ABTB3: variants seen among roughly 807,000 people sequenced by gnomAD.
ABTB3 encodes ankyrin repeat- and BTB/POZ domain-containing protein 3.
At chr12:107,493,050 G>T in the ABTB3 span, among the ~76,000 whole-genome samples, 1 of 150,562 alleles carries the variant, frequency 6.6e-6, no homozygotes, top group Non-Finnish European at 1.5e-5. Flanking sequence ...AGAGCAGAAC[G>T]AAGCTTCCCC....
the ABTB3 span, among the ~76,000 whole-genome samples, chr12:107,443,850 G>T: frequency 1.3e-5 from 2 of 152,180 alleles, no homozygotes; most frequent in South Asian, 2.1e-4. Context: ...CCTGCCCTCG[G>T]AAAGGACTGA....
At chr12:107,424,884 A>C in the ABTB3 span, among the ~76,000 whole-genome samples, 1 of 152,148 alleles carries the variant, frequency 6.6e-6, no homozygotes, top group Non-Finnish European at 1.5e-5. Context: ...CACGCCTGTT[A>C]GGTTTGCCTG....
chr12:107,617,681 A>T, the ABTB3 span: 1 of 511,408 alleles, frequency 2.0e-6, no homozygotes, highest in Non-Finnish European at 3.4e-6. Flanking sequence ...TCACAGAGAG[A>T]CATCACTCTT....
At chr12:107,506,967 T>A in the ABTB3 span, among the ~76,000 whole-genome samples, 5 of 152,216 alleles carry the variant, frequency 3.3e-5, no homozygotes, top group African/African-American at 1.2e-4. Flanking sequence ...GTTTTATCTC[T>A]TTCTTATTAT....
the ABTB3 span, among the ~76,000 whole-genome samples, chr12:107,451,000 G>A: frequency 4.0e-5 from 6 of 151,884 alleles, no homozygotes; most frequent in Non-Finnish European, 5.9e-5. Context: ...TTAAATGCAT[G>A]TGAAGTATTT....
the ABTB3 span, among the ~76,000 whole-genome samples, chr12:107,608,893 T>A: frequency 1.4e-4 from 12 of 84,320 alleles, no homozygotes; most frequent in East Asian, 1.3e-3. Context: ...TAAAATAAAA[T>A]AAATAAAATA....
chr12:107,393,732 C>T, the ABTB3 span, among the ~76,000 whole-genome samples: 1 of 152,102 alleles, frequency 6.6e-6, no homozygotes, highest in African/African-American at 2.4e-5. Context: ...AGATCGAGAC[C>T]ATCCTGGCTA....
At chr12:107,628,323 A>G in the ABTB3 span, among the ~76,000 whole-genome samples, 8 of 152,134 alleles carry the variant, frequency 5.3e-5, no homozygotes, top group Non-Finnish European at 8.8e-5. Flanking sequence ...TTGTATTTTT[A>G]GTAGAGACAG....
At chr12:107,363,192 C>T in the ABTB3 span, among the ~76,000 whole-genome samples, 3 of 152,226 alleles carry the variant, frequency 2.0e-5, 1 homozygote, top group Admixed American at 2.0e-4. Flanking sequence ...AGCCTTGTTC[C>T]CATGAAATTC....
chr12:107,470,010 TTCTC>T, the ABTB3 span, among the ~76,000 whole-genome samples: 527 of 57,090 alleles, frequency 9.2e-3, 55 homozygotes, highest in East Asian at 0.015. Context: ...CTTTCTTTCT[TTCTC>T]TCTCTCTCTC....
chr12:107,537,792 A>G, the ABTB3 span, among the ~76,000 whole-genome samples: 1,506 of 152,282 alleles, frequency 9.9e-3, 60 homozygotes, highest in East Asian at 0.092. Flanking sequence ...GCAGATTCAC[A>G]GGAATTCCAG....
the ABTB3 span, among the ~76,000 whole-genome samples, chr12:107,337,300 A>C: frequency 2.0e-5 from 3 of 152,160 alleles, no homozygotes; most frequent in Non-Finnish European, 4.4e-5. Flanking sequence ...TGGGCGATAG[A>C]AGTCCTGTTT....
the ABTB3 span, among the ~76,000 whole-genome samples, chr12:107,472,309 A>G: frequency 6.6e-6 from 1 of 152,160 alleles, no homozygotes; most frequent in African/African-American, 2.4e-5. Context: ...GGGAGCTATG[A>G]TGGGAGCTTA....
chr12:107,629,143 G>A, the ABTB3 span, among the ~76,000 whole-genome samples: 28 of 152,270 alleles, frequency 1.8e-4, no homozygotes, highest in African/African-American at 4.8e-4. Flanking sequence ...AGGGCCAGGC[G>A]TGGTGGCTCA....
At chr12:107,465,082 T>A in the ABTB3 span, among the ~76,000 whole-genome samples, 5 of 152,126 alleles carry the variant, frequency 3.3e-5, no homozygotes, top group African/African-American at 1.2e-4. Flanking sequence ...AGGGAAGGGC[T>A]AGACCATGGA....
At chr12:107,381,036 C>G in the ABTB3 span, among the ~76,000 whole-genome samples, 1 of 151,984 alleles carries the variant, frequency 6.6e-6, no homozygotes, top group African/African-American at 2.4e-5. Flanking sequence ...TGTTTGGAGA[C>G]CACTGGTTTA....
chr12:107,344,259 C>T, the ABTB3 span, among the ~76,000 whole-genome samples: 5 of 152,120 alleles, frequency 3.3e-5, no homozygotes, highest in Non-Finnish European at 7.4e-5. Context: ...TCTCTTTGGC[C>T]AGCACTTAGT....
At chr12:107,602,648 G>A in the ABTB3 span, among the ~76,000 whole-genome samples, 2 of 152,122 alleles carry the variant, frequency 1.3e-5, no homozygotes, top group African/African-American at 4.8e-5. Context: ...AGCAGACTTG[G>A]GATTTGAGAT....
the ABTB3 span, among the ~76,000 whole-genome samples, chr12:107,599,143 T>C: frequency 1.6e-4 from 25 of 152,206 alleles, no homozygotes; most frequent in Non-Finnish European, 2.9e-4. Context: ...CTGGAGTGTT[T>C]CCTGCATTTC....
Sources: gnomAD v4.1 joint callset for allele counts (sites outside exome capture counted in the v4.1 genomes callset) on GRCh38, gnomAD v4.1.1 for gene constraint, MANE v1.5 for transcripts, NCBI Gene and HGNC (gene_info 2026-07-23, HGNC 2026-07-21) for gene names.